Variants in MSRB3 observed in about 807,000 individuals in gnomAD.
The protein encoded by MSRB3 is methionine sulfoxide reductase B3.
A neutral mutation model predicts 21.0 loss-of-function variants in MSRB3; 13 were observed. The ratio of observed to expected loss-of-function variants is 0.62; its 90% CI spans 0.40 to 0.98. The LOEUF (loss-of-function observed/expected upper bound fraction) is 0.98, where lower values mean the gene tolerates loss of function less well. Ranked by LOEUF, MSRB3 falls within the 50% of genes least tolerant of loss-of-function variation. The pLI, the probability that MSRB3 is intolerant of heterozygous loss-of-function variation, is 0.00. For missense variants in MSRB3, 199 were observed against 230.3 expected, an observed-to-expected ratio of 0.86 and a Z score of 0.88; for synonymous variants, 87 against 88.6, an observed-to-expected ratio of 0.98 and a Z score of 0.10.
intron 6 of MSRB3, among the ~76,000 whole-genome samples, chr12:65,457,110 C>A (rs955110328): frequency 1.3e-5 from 2 of 152,140 alleles, no homozygotes; most frequent in African/African-American, 4.8e-5. Context: ...CCTAGTTTCT[C>A]ATTTTTAGCA....
intron 2 of MSRB3, among the ~76,000 whole-genome samples, chr12:65,318,777 CAA>C (rs1874473381): frequency 6.6e-6 from 1 of 152,064 alleles, no homozygotes. Context: ...CACATTAACA[CAA>C]AAAGTGTTGC....
At chr12:65,347,792 C>T (rs548355687) in intron 4 of MSRB3, among the ~76,000 whole-genome samples, 2 of 151,930 alleles carry the variant, frequency 1.3e-5, no homozygotes, top group East Asian at 1.9e-4. Context: ...GTTTTTAGCA[C>T]GAAGGTTGTT....
chr12:65,393,820 T>C (rs923718236), intron 5 of MSRB3, among the ~76,000 whole-genome samples: 1 of 152,056 alleles, frequency 6.6e-6, no homozygotes, highest in Admixed American at 6.6e-5. Context: ...GACTCAGTGT[T>C]ATTGTTGATG....
At chr12:65,346,901 T>C (rs76302221) in intron 4 of MSRB3, among the ~76,000 whole-genome samples, 1 of 152,044 alleles carries the variant, frequency 6.6e-6, no homozygotes, top group Non-Finnish European at 1.5e-5. Context: ...GCTGTAGATA[T>C]GCAGCATTAT....
At chr12:65,319,920 C>T (rs544281533) in intron 2 of MSRB3, among the ~76,000 whole-genome samples, 1 of 152,270 alleles carries the variant, frequency 6.6e-6, no homozygotes, top group African/African-American at 2.4e-5. Flanking sequence ...TGCTTGACAA[C>T]GTCTTCTGAG....
chr12:65,342,914 AG>A (rs1167040560), intron 4 of MSRB3, among the ~76,000 whole-genome samples: 1 of 152,056 alleles, frequency 6.6e-6, no homozygotes, highest in Non-Finnish European at 1.5e-5. Context: ...ATAGTTTAAA[AG>A]GTTTTGTACC....
intron 4 of MSRB3, among the ~76,000 whole-genome samples, chr12:65,330,244 A>C (rs549614926): frequency 1.1e-3 from 166 of 152,346 alleles, no homozygotes; most frequent in African/African-American, 3.9e-3. Context: ...TTGAGTCACA[A>C]ATCCTAAAAG....
intron 4 of MSRB3, among the ~76,000 whole-genome samples, chr12:65,343,020 G>C (rs1876244419): frequency 6.6e-6 from 1 of 151,910 alleles, no homozygotes; most frequent in Admixed American, 6.6e-5. Context: ...AGTATTTATA[G>C]GGTATCAGAA....
At chr12:65,447,039 G>T (rs1882651316) in intron 5 of MSRB3, among the ~76,000 whole-genome samples, 1 of 152,166 alleles carries the variant, frequency 6.6e-6, no homozygotes, top group Non-Finnish European at 1.5e-5. Context: ...GGATAATTGG[G>T]GTTGCTATTG....
intron 2 of MSRB3, among the ~76,000 whole-genome samples, chr12:65,323,531 A>G (rs1472878126): frequency 6.6e-6 from 1 of 152,234 alleles, no homozygotes; most frequent in African/African-American, 2.4e-5. Flanking sequence ...ACATTTAAAT[A>G]AAGGGAAAAA....
At chr12:65,292,186 T>C (rs958035682) in intron 1 of MSRB3, among the ~76,000 whole-genome samples, 12 of 152,198 alleles carry the variant, frequency 7.9e-5, no homozygotes, top group Non-Finnish European at 2.9e-5. Context: ...CTTCCTGACT[T>C]CAGAGCGTTT....
chr12:65,366,213 A>T (rs934572889), intron 4 of MSRB3, among the ~76,000 whole-genome samples: 1 of 152,022 alleles, frequency 6.6e-6, no homozygotes, highest in East Asian at 1.9e-4. Context: ...TCTATGCCAC[A>T]CCTTTTTCCC....
chr12:65,463,390 T>C lies in MSRB3; in HGVS notation c.*68T>C. 1.6e-5 allele frequency: 24 copies of C among 1,544,176 alleles called. No individual in the cohort carries two copies. The highest frequency in any genetic ancestry group is 2.0e-5 in the Non-Finnish European group (23 of 1,135,762). On this transcript the variant is annotated 3_prime_UTR_variant, in exon 7 of 7. Coordinates refer to ENST00000308259, the MANE Select transcript of MSRB3 (RefSeq NM_001031679.3). ...CTTATTAAAAAAATCAAAATTGTTA[T>C]CTTAATAGATATATTTTTTCAAAAA...
At chr12:65,377,429 C>T (rs1389693655) in intron 5 of MSRB3, among the ~76,000 whole-genome samples, 2 of 151,856 alleles carry the variant, frequency 1.3e-5, no homozygotes, top group Non-Finnish European at 2.9e-5. Context: ...CCTGCCCCCT[C>T]CTCCGTCCCC....
chr12:65,461,502 G>T (rs1883328724), intron 6 of MSRB3, among the ~76,000 whole-genome samples: 1 of 152,202 alleles, frequency 6.6e-6, no homozygotes, highest in Non-Finnish European at 1.5e-5. Context: ...GACAGAGTTT[G>T]CTGGCAGTGA....
At chr12:65,393,376 G>A (rs537772652) in intron 5 of MSRB3, among the ~76,000 whole-genome samples, 86 of 152,312 alleles carry the variant, frequency 5.6e-4, no homozygotes, top group African/African-American at 2.0e-3. Context: ...GCTCACGCCT[G>A]TAATCCCAGC....
intron 5 of MSRB3, among the ~76,000 whole-genome samples, chr12:65,404,959 C>A (rs1039489621): frequency 7.0e-6 from 1 of 142,356 alleles, no homozygotes; most frequent in Non-Finnish European, 1.5e-5. Context: ...TTCTACTCAA[C>A]TTTTTTTTTT....
At chr12:65,341,953 A>C (rs1876172304) in intron 4 of MSRB3, among the ~76,000 whole-genome samples, 1 of 151,988 alleles carries the variant, frequency 6.6e-6, no homozygotes, top group Non-Finnish European at 1.5e-5. Flanking sequence ...ATGTTTCATT[A>C]AATCTAAGAA....
chr12:65,460,576 C>T (rs1328561839), intron 6 of MSRB3, among the ~76,000 whole-genome samples: 1 of 152,232 alleles, frequency 6.6e-6, no homozygotes, highest in Non-Finnish European at 1.5e-5. Context: ...GCTGCTATGA[C>T]TCTTCCAGAA....
Sources: allele counts gnomAD v4.1 joint callset (sites outside exome capture counted in the v4.1 genomes callset), GRCh38; gene constraint gnomAD v4.1.1; transcripts MANE v1.5; gene names NCBI Gene and HGNC (gene_info 2026-07-23, HGNC 2026-07-21).